The following PRDM16 variants were observed in gnomAD, a reference collection of about 807,000 sequenced individuals.
The protein encoded by PRDM16 is PR/SET domain 16, also known as histone-lysine N-methyltransferase PRDM16.
In PRDM16, 23 loss-of-function variants were observed where a neutral mutation model predicts 110.6. The ratio of observed to expected loss-of-function variants is 0.21; its 90% confidence interval spans 0.15 to 0.29. The LOEUF (loss-of-function observed/expected upper bound fraction) is 0.29. Ranked by LOEUF, PRDM16 falls within the 10% of genes least tolerant of loss-of-function variation. PRDM16 has a pLI of 1.00. For missense variants in PRDM16, 1,615 were observed against 1,794.3 expected, an observed-to-expected ratio of 0.90 and a Z score of 1.81; for synonymous variants, 799 against 781.8, an observed-to-expected ratio of 1.02 and a Z score of -0.37.
intron 2 of PRDM16, among the ~76,000 whole-genome samples, chr1:3,219,683 G>GAGGGCTGAACATGGCAGGAGCA (rs575552508): frequency 1.4e-4 from 22 of 152,332 alleles, no homozygotes; most frequent in Admixed American, 5.9e-4. Context: ...CCGCAGGAGT[G>GAGGGCTGAACATGGCAGGAGCA]AGGGCTGAAC....
rs939703602 is a variant in PRDM16 at position 3,425,570 on chromosome 1, G to A, written c.2940-11G>A. ...GGGGCCTGCACTGAGGAGCGCGTGT[G>A]CCCCTTCCAGGTGTAAGTACTGCGA... On this transcript the variant is annotated splice_polypyrimidine_tract_variant and intron_variant, in intron 12 of 16. Coordinates refer to ENST00000270722, the MANE Select transcript of PRDM16 (RefSeq NM_022114.4). The surrounding 1 kb of genome is among the most constrained non-coding windows in gnomAD (Gnocchi z 6.9). 1.9e-6 allele frequency: 3 copies of A among 1,613,150 alleles called. No homozygotes were observed. Among genetic ancestry groups the A allele is most frequent in the Admixed American group, 3.3e-5 (2 of 59,976 alleles).
At chr1:3,413,145 A>AC (rs1354255571) in intron 9 of PRDM16, among the ~76,000 whole-genome samples, 2 of 52,770 alleles carry the variant, frequency 3.8e-5, no homozygotes, top group African/African-American at 1.4e-4. Flanking sequence ...ACCCCAACCC[A>AC]CACCCTTCCC....
At position 3,243,451 on chromosome 1, in the gene PRDM16, G is replaced by C. The variant is rs920282785; in HGVS notation, c.388-636G>C. Among the ~76,000 whole-genome samples the C allele has an allele frequency of 1.3e-5, 2 of 150,708 alleles. No homozygotes were observed. Among genetic ancestry groups the C allele is most frequent in the Non-Finnish European group, 2.9e-5 (2 of 67,850 alleles). ...CCAGCACCCACCAAGCCACCCTTCC[G>C]CAGGGCGTTGGCCGACCTCTGCCCC... is the stretch of plus-strand genomic sequence containing the variant. On this transcript the variant is annotated intron_variant, in intron 2 of 16. Transcript: ENST00000270722. This position sits in a 1 kb window ranked among gnomAD's most constrained non-coding sequence, Gnocchi z 5.5.
At chr1:3,386,223 C>G (rs886847249) in intron 4 of PRDM16, among the ~76,000 whole-genome samples, 2 of 147,660 alleles carry the variant, frequency 1.4e-5, no homozygotes, top group Non-Finnish European at 3.0e-5. Context: ...TGGGGTCATA[C>G]ATGAGATTTC....
intron 1 of PRDM16, among the ~76,000 whole-genome samples, chr1:3,096,301 C>T (rs935958419): frequency 1.3e-5 from 2 of 152,156 alleles, no homozygotes; most frequent in Admixed American, 1.3e-4. Context: ...GCTGTCCTGT[C>T]CTCTCTAGCC....
At chr1:3,248,206 A>G (rs577265179) in intron 3 of PRDM16, among the ~76,000 whole-genome samples, 66 of 152,218 alleles carry the variant, frequency 4.3e-4, no homozygotes, top group Admixed American at 7.9e-4. Context: ...TTATCCGTTA[A>G]CAAGAGTGTA....
rs1388785041 is a variant in PRDM16 at position 3,339,276 on chromosome 1, A to G, written c.439-45876A>G. On this transcript the variant is annotated intron_variant, in intron 3 of 16. Coordinates refer to ENST00000270722, the MANE Select transcript of PRDM16 (RefSeq NM_022114.4). This position sits in a 1 kb window ranked among gnomAD's most constrained non-coding sequence, Gnocchi z 5.0. ...CACCCACCCACCACAGTACCATCAAAGACAGACGTCCTGCTTGTCTCGGTA... is the reference window on the plus strand; with the variant it reads ...CACCCACCCACCACAGTACCATCAAGGACAGACGTCCTGCTTGTCTCGGTA... Among the ~76,000 whole-genome samples, 2 of 151,948 alleles carry G rather than the reference A, an allele frequency of 1.3e-5. No homozygotes were observed. Among genetic ancestry groups the G allele is most frequent in the African/African-American group, 4.8e-5 (2 of 41,360 alleles).
intron 1 of PRDM16, among the ~76,000 whole-genome samples, chr1:3,093,834 G>A (rs182294844): frequency 6.6e-6 from 1 of 152,370 alleles, no homozygotes; most frequent in Non-Finnish European, 1.5e-5. Context: ...GCGCAGGGAA[G>A]GAGGGGGAAC....
intron 1 of PRDM16, among the ~76,000 whole-genome samples, chr1:3,181,963 C>A (rs937848401): frequency 7.2e-5 from 11 of 151,978 alleles, no homozygotes; most frequent in Non-Finnish European, 1.5e-4. Flanking sequence ...CTTACACATG[C>A]CTTACACATG....
chr1:3,362,586 C>T (rs893172691), intron 3 of PRDM16, among the ~76,000 whole-genome samples: 1 of 152,100 alleles, frequency 6.6e-6, no homozygotes, highest in Non-Finnish European at 1.5e-5. Context: ...GAAGCAGGGT[C>T]GCCTGGGACT....
chr1:3,225,847 G>A (rs962410069), intron 2 of PRDM16, among the ~76,000 whole-genome samples: 1 of 152,194 alleles, frequency 6.6e-6, no homozygotes, highest in Non-Finnish European at 1.5e-5. Context: ...CGGAGCCGCC[G>A]GGGCAGCCAG....
chr1:3,372,959 C>T lies in PRDM16; in HGVS notation c.439-12193C>T, dbSNP rs188306824. The stretch of plus-strand genomic sequence containing the variant: ...GCTCGGGGAATGACTTACCAGCTAG[C>T]GGGGTTTGGGGGATTTTGCACCAAT... On this transcript the variant is annotated intron_variant, in intron 3 of 16. Coordinates refer to ENST00000270722, the MANE Select transcript of PRDM16 (RefSeq NM_022114.4). 2.2e-3 allele frequency among the ~76,000 whole-genome samples: 337 copies of T among 152,258 alleles called. 3 individuals carry two copies. Among genetic ancestry groups the T allele is most frequent in the African/African-American group, 7.5e-3 (313 of 41,550 alleles).
At chr1:3,271,830 G>A (rs548086557) in intron 3 of PRDM16, among the ~76,000 whole-genome samples, 1 of 152,164 alleles carries the variant, frequency 6.6e-6, no homozygotes, top group Non-Finnish European at 1.5e-5. Context: ...CGGAGTCCTG[G>A]GCACAGGGCT....
intron 3 of PRDM16, 89 bp from the exon 4 acceptor site, chr1:3,385,063 A>G: frequency 6.5e-7 from 1 of 1,535,698 alleles, no homozygotes. Context: ...CTTGAGCCCA[A>G]ACAGCCAGGT....
intron 5 of PRDM16, among the ~76,000 whole-genome samples, chr1:3,401,401 G>C (rs1245242155): frequency 6.6e-6 from 1 of 152,090 alleles, no homozygotes; most frequent in Non-Finnish European, 1.5e-5. Context: ...CTGGGCACTG[G>C]GTCAGTCCTC....
chr1:3,371,428 T>G (rs564908158), intron 3 of PRDM16, among the ~76,000 whole-genome samples: 34 of 150,732 alleles, frequency 2.3e-4, no homozygotes, highest in Non-Finnish European at 4.3e-4. Context: ...CCATTCATCA[T>G]CCATCCATAC....
intron 3 of PRDM16, among the ~76,000 whole-genome samples, chr1:3,262,917 G>A (rs1354392436): frequency 6.6e-6 from 1 of 152,204 alleles, no homozygotes; most frequent in East Asian, 1.9e-4. Context: ...GACGGTGCTG[G>A]GAGGTGCAGG....
intron 1 of PRDM16, among the ~76,000 whole-genome samples, chr1:3,118,379 G>A (rs970854996): frequency 1.3e-5 from 2 of 152,178 alleles, no homozygotes; most frequent in Non-Finnish European, 1.5e-5. Flanking sequence ...CTGGCCCCTC[G>A]GAAGCGTGAC....
In PRDM16 at chr1:3,375,327, C is replaced by T. The variant is rs547051693; in HGVS notation, c.439-9825C>T. On this transcript the variant is annotated intron_variant, in intron 3 of 16. Coordinates refer to ENST00000270722, the MANE Select transcript of PRDM16 (RefSeq NM_022114.4). ...GTTTCGACAGACCCTGCTCTTTCCACGCACTGCCAATCACCTCTAGGCGTT... is the reference window on the plus strand; with the variant it reads ...GTTTCGACAGACCCTGCTCTTTCCATGCACTGCCAATCACCTCTAGGCGTT... Among the ~76,000 whole-genome samples, 24 of 152,372 alleles carry T rather than the reference C, an allele frequency of 1.6e-4. No homozygotes were observed. In the South Asian group the frequency reaches 4.3e-3, roughly 28 times the overall value.
Sources: allele counts gnomAD v4.1 joint callset (sites outside exome capture counted in the v4.1 genomes callset), GRCh38; gene constraint gnomAD v4.1.1; non-coding constraint Gnocchi (gnomAD v3.1); transcripts MANE v1.5; gene names NCBI Gene and HGNC (gene_info 2026-07-23, HGNC 2026-07-21).